Variants in NTNG1 observed in about 807,000 individuals in gnomAD.
NTNG1 encodes netrin-G1.
Under a neutral mutation model 54.0 loss-of-function variants are expected in NTNG1, and 16 were observed. The ratio of observed to expected loss-of-function variants is 0.30; its 90% CI spans 0.20 to 0.45. The LOEUF (loss-of-function observed/expected upper bound fraction) is 0.45, where lower values mean the gene tolerates loss of function less well. Ranked by LOEUF, NTNG1 falls within the 20% of genes least tolerant of loss-of-function variation. The pLI is 1.00. For missense variants in NTNG1, 530 were observed against 678.7 expected (o/e 0.78, Z 2.43); for synonymous variants, 255 against 263.1 (o/e 0.97, Z 0.30).
chr1:107,421,060 G>C (rs778677419), intron 5 of NTNG1: 17 of 1,569,370 alleles, frequency 1.1e-5, no homozygotes, highest in Non-Finnish European at 1.1e-5. Flanking sequence ...CTAATTTACT[G>C]TTCATTCTTT....
Position 107,261,829 on chromosome 1 carries a change from T to C in NTNG1, c.247-62453T>C, listed in dbSNP as rs183921813. On this transcript the variant is annotated intron_variant, in intron 2 of 7. Transcript: ENST00000370068. ...CTGCACTCCAGCCTGGGCGACAGAG[T>C]GAGACTCCGTCTCAAAAAACAAAAC... 2.0e-4 allele frequency among the ~76,000 whole-genome samples: 31 copies of C among 152,072 alleles called. No homozygotes were observed. In the East Asian group the frequency reaches 5.4e-3, roughly 27 times the overall value.
intron 3 of NTNG1, among the ~76,000 whole-genome samples, chr1:107,390,601 C>A (rs975549386): frequency 6.6e-6 from 1 of 152,170 alleles, no homozygotes; most frequent in Non-Finnish European, 1.5e-5. Context: ...TTTCAACACA[C>A]ATCATGGAGT....
intron 2 of NTNG1, among the ~76,000 whole-genome samples, chr1:107,208,061 G>C (rs554906809): frequency 6.6e-6 from 1 of 152,252 alleles, no homozygotes; most frequent in South Asian, 2.1e-4. Context: ...AGCTGATGCT[G>C]AAGTGCTCAA....
intron 2 of NTNG1, among the ~76,000 whole-genome samples, chr1:107,211,542 G>A (rs1659597655): frequency 6.6e-6 from 1 of 152,010 alleles, no homozygotes; most frequent in South Asian, 2.1e-4. Flanking sequence ...TTTCATATTT[G>A]TATCCATGAA....
intron 5 of NTNG1, among the ~76,000 whole-genome samples, chr1:107,413,895 A>G (rs1674015252): frequency 6.6e-6 from 1 of 152,178 alleles, no homozygotes. Context: ...AATTAAACTA[A>G]AATATGAGAT....
At chr1:107,170,184 C>A (rs1301955106) in intron 2 of NTNG1, among the ~76,000 whole-genome samples, 1 of 152,052 alleles carries the variant, frequency 6.6e-6, no homozygotes, top group Non-Finnish European at 1.5e-5. Context: ...ATCACCTCTA[C>A]TTTTTAGGAA....
chr1:107,328,481 A>C (rs1319284939), intron 3 of NTNG1, among the ~76,000 whole-genome samples: 3 of 152,180 alleles, frequency 2.0e-5, no homozygotes, highest in African/African-American at 7.2e-5. Context: ...CATCTAATGC[A>C]TAAATAAAAT....
intron 2 of NTNG1, among the ~76,000 whole-genome samples, chr1:107,296,662 A>G (rs1665959296): frequency 6.8e-6 from 1 of 147,852 alleles, no homozygotes; most frequent in Non-Finnish European, 1.5e-5. Flanking sequence ...TTACATTTAT[A>G]TATAACATAT....
chr1:107,413,725 A>G (rs896363941), intron 5 of NTNG1, among the ~76,000 whole-genome samples: 1 of 152,152 alleles, frequency 6.6e-6, no homozygotes, highest in African/African-American at 2.4e-5. Flanking sequence ...AAAGCAACTC[A>G]TCCACCTCAT....
At chr1:107,421,156 G>A in intron 5 of NTNG1, 2 of 1,570,190 alleles carry the variant, frequency 1.3e-6, no homozygotes, top group Non-Finnish European at 1.8e-6. Flanking sequence ...AGGAATTCTT[G>A]GATTCATACA....
chr1:107,392,977 G>A (rs1672458645), intron 3 of NTNG1, among the ~76,000 whole-genome samples: 1 of 152,116 alleles, frequency 6.6e-6, no homozygotes, highest in Admixed American at 6.6e-5. Context: ...AGCTGAGAAT[G>A]AGCCATTAAT....
intron 7 of NTNG1, among the ~76,000 whole-genome samples, chr1:107,453,538 C>T (rs1474136579): frequency 6.6e-6 from 1 of 152,144 alleles, no homozygotes; most frequent in African/African-American, 2.4e-5. Flanking sequence ...GAGATCATGA[C>T]CAAAGCCTCC....
At chr1:107,267,775 A>T (rs1208876095) in intron 2 of NTNG1, among the ~76,000 whole-genome samples, 1 of 151,532 alleles carries the variant, frequency 6.6e-6, no homozygotes, top group Admixed American at 6.6e-5. Flanking sequence ...TAACTCCTAG[A>T]CTCCTTTCCT....
chr1:107,436,670 T>G lies in NTNG1; in HGVS notation c.1261T>G (p.Tyr421Asp), dbSNP rs764703331. 5 of 1,613,282 alleles carry G rather than the reference T, an allele frequency of 3.1e-6. No homozygotes were observed. The Admixed American group carries it at 6.7e-5, about 22-fold the overall frequency. Residue 421 changes from tyrosine to aspartate, a missense_variant, in exon 7 of 8, where the codon TAT becomes GAT. Physicochemically the swap from Tyr to Asp is radical, Grantham distance 160. Transcript: ENST00000370068. ...LDDENVCIECYCNPLGSIHDR... is the reference protein window; with the variant it reads ...LDDENVCIECDCNPLGSIHDR... ...GTGTTGTCTTGTTTCTACAGAGTGTTATTGTAACCCTTTGGGCTCAATCCA... is the reference window on the plus strand; with the variant it reads ...GTGTTGTCTTGTTTCTACAGAGTGTGATTGTAACCCTTTGGGCTCAATCCA...
rs144309451 is a variant in NTNG1 at position 107,204,034 on chromosome 1, G to A, written c.246+55195G>A. Among the ~76,000 whole-genome samples, 688 of 151,716 alleles carry A rather than the reference G, an allele frequency of 4.5e-3. 5 individuals are homozygous for A. Among genetic ancestry groups the A allele is most frequent in the Middle Eastern group, 0.021 (6 of 288 alleles). ...TAGCTATTTGTATTTCATAGTATAT[G>A]GTTCTATTTTTTTTCCATATTATTG... On this transcript the variant is annotated intron_variant, in intron 2 of 7. Coordinates refer to ENST00000370068, the MANE Select transcript of NTNG1 (RefSeq NM_001113226.3).
chr1:107,148,786 C>G lies in NTNG1; in HGVS notation c.193C>G (p.Leu65Val). Residue 65 changes from leucine (L) to valine (V), a missense_variant, in exon 2 of 8, where the codon CTC (leucine) becomes GTC (valine). By Grantham distance (32) the Leu-to-Val change is conservative. Around this residue, in one of 2 missense-constraint regions of NTNG1, gnomAD observed 318 missense variants for 465.1 expected, o/e 0.68. Coordinates refer to ENST00000370068, the MANE Select transcript of NTNG1 (RefSeq NM_001113226.3). ...TDMTKYLKVK[L>V]DPPDITCGDP... ...CATGACAAAATATCTGAAAGTGAAA[C>G]TCGATCCTCCGGATATTACCTGTGG... The G allele has an allele frequency of 1.2e-6, 2 of 1,613,690 alleles. No individual in the cohort carries two copies. The highest frequency in any genetic ancestry group is 1.7e-6 in the Non-Finnish European group (2 of 1,179,658).
chr1:107,246,721 A>T (rs987386761), intron 2 of NTNG1, among the ~76,000 whole-genome samples: 8 of 152,340 alleles, frequency 5.3e-5, no homozygotes, highest in African/African-American at 1.9e-4. Context: ...ATAGTAAGTT[A>T]TAAAAAATGT....
chr1:107,302,027 C>G (rs919664537), intron 2 of NTNG1, among the ~76,000 whole-genome samples: 1 of 152,158 alleles, frequency 6.6e-6, no homozygotes, highest in African/African-American at 2.4e-5. Flanking sequence ...TCCTGGTAAA[C>G]ATTTCCAACC....
At chr1:107,322,298 T>C (rs886582678) in intron 2 of NTNG1, among the ~76,000 whole-genome samples, 8 of 152,062 alleles carry the variant, frequency 5.3e-5, no homozygotes, top group African/African-American at 1.9e-4. Context: ...CACAGCGCCT[T>C]TCCCCTTGTT....
Sources: gnomAD v4.1 joint callset for allele counts (sites outside exome capture counted in the v4.1 genomes callset) on GRCh38, gnomAD v4.1.1 for gene constraint, gnomAD v4.1.1 regional missense constraint, MANE v1.5 for transcripts, NCBI Gene and HGNC (gene_info 2026-07-23, HGNC 2026-07-21) for gene names.